The following ANKS1A variants were observed in gnomAD, a reference collection of about 807,000 sequenced individuals.
The protein encoded by ANKS1A is ankyrin repeat and sterile alpha motif domain containing 1A, also known as ankyrin repeat and SAM domain-containing protein 1A.
A neutral mutation model predicts 120.3 loss-of-function variants in ANKS1A; 55 were observed. The ratio of observed to expected loss-of-function variants is 0.46; its 90% CI spans 0.37 to 0.57. The LOEUF is 0.57. Among genes scored for constraint, ANKS1A ranks in the 20% least tolerant of loss-of-function variants. ANKS1A has a pLI of 0.00. For missense variants in ANKS1A, 1,123 were observed against 1,480.3 expected, an observed-to-expected ratio of 0.76 and a Z score of 3.96; for synonymous variants, 590 against 604.7, an observed-to-expected ratio of 0.98 and a Z score of 0.36.
Position 35,082,637 on chromosome 6 carries a change from C to T in ANKS1A, c.2710-54C>T. ...GAGTGTGCTGGAGCCAGGCAGCAAG[C>T]CCATGTGCTCCTCTGGAGCAAGGAG... On this transcript the variant is annotated intron_variant, in intron 17 of 23. Coordinates refer to ENST00000360359, the MANE Select transcript of ANKS1A (RefSeq NM_015245.3). The surrounding 1 kb of genome is among the most constrained non-coding windows in gnomAD (Gnocchi z 4.1). The T allele has an allele frequency of 6.4e-7, 1 of 1,550,954 alleles. No homozygotes were observed. Among genetic ancestry groups the T allele is most frequent in the Non-Finnish European group, 8.7e-7 (1 of 1,146,956 alleles).
At chr6:34,962,894 C>CTCTG (rs1770714748) in intron 1 of ANKS1A, among the ~76,000 whole-genome samples, 1 of 150,598 alleles carries the variant, frequency 6.6e-6, no homozygotes, top group Admixed American at 6.6e-5. Context: ...TGGGATCTTG[C>CTCTG]TCTGTCGCCC....
At chr6:35,014,358 A>C (rs879457957) in intron 10 of ANKS1A, among the ~76,000 whole-genome samples, 2 of 152,190 alleles carry the variant, frequency 1.3e-5, no homozygotes, top group Non-Finnish European at 2.9e-5. Flanking sequence ...TCCACAAAAT[A>C]TTGGTGGATT....
In ANKS1A at chr6:35,089,431, T is replaced by C. The variant is rs1001014431; in HGVS notation, c.*822T>C. 7 of 986,574 alleles carry C rather than the reference T, an allele frequency of 7.1e-6. No individual in the cohort carries two copies. In the African/African-American group the frequency reaches 1.0e-4, roughly 15 times the overall value. The allele number at this position is 986,574 out of a possible 1,614,324, so 61.1% of individuals were successfully genotyped here. ...TGCCCTGGGCTGGCCGGCGCCGTACTGCCTGCGTTGTGTCAGAGAATAGGA... is the reference window on the plus strand; with the variant it reads ...TGCCCTGGGCTGGCCGGCGCCGTACCGCCTGCGTTGTGTCAGAGAATAGGA... On this transcript the variant is annotated 3_prime_UTR_variant, in exon 24 of 24. Transcript: ENST00000360359.
At chr6:34,989,733 C>T (rs1581604439) in intron 9 of ANKS1A, among the ~76,000 whole-genome samples, 2 of 151,986 alleles carry the variant, frequency 1.3e-5, no homozygotes, top group South Asian at 2.1e-4. Flanking sequence ...TTTTCCTGTT[C>T]GTTTCACATG....
intron 13 of ANKS1A, among the ~76,000 whole-genome samples, chr6:35,078,098 T>C (rs2127605131): frequency 6.6e-6 from 1 of 152,286 alleles, no homozygotes; most frequent in Non-Finnish European, 1.5e-5. Flanking sequence ...GCTTCTCTCC[T>C]TGGGGTGAGG....
At chr6:35,073,950 C>T in intron 13 of ANKS1A, among the ~76,000 whole-genome samples, 1 of 152,248 alleles carries the variant, frequency 6.6e-6, no homozygotes, top group Non-Finnish European at 1.5e-5. Flanking sequence ...TGGGAGGACC[C>T]CGCGCTGCGC....
chr6:34,934,684 A>G (rs906497677), intron 1 of ANKS1A, among the ~76,000 whole-genome samples: 1 of 152,250 alleles, frequency 6.6e-6, no homozygotes, highest in Non-Finnish European at 1.5e-5. Flanking sequence ...AGTGTTGGAA[A>G]GTGGGCGTCG....
downstream of ANKS1A, among the ~76,000 whole-genome samples, chr6:35,091,591 T>C (rs143595788): frequency 1.1e-3 from 162 of 152,344 alleles, no homozygotes; most frequent in African/African-American, 3.4e-3. Flanking sequence ...TAGTTACAGC[T>C]GTGCTGTGAG....
Position 35,083,095 on chromosome 6 carries a change from G to A in ANKS1A, c.2836-60G>A, listed in dbSNP as rs1426948958. On this transcript the variant is annotated intron_variant, in intron 18 of 23. Transcript: ENST00000360359. ...ATTGTGGGACAGTCCCAAATTGGTT[G>A]GGTCACCCCTGCATGGAAACGCAGG... 8.2e-6 allele frequency: 13 copies of A among 1,592,812 alleles called. No individual in the cohort carries two copies. In the East Asian group the frequency reaches 2.9e-4, roughly 36 times the overall value.
At chr6:34,991,713 C>T (rs1157800351) in intron 9 of ANKS1A, among the ~76,000 whole-genome samples, 1 of 44,150 alleles carries the variant, frequency 2.3e-5, no homozygotes, top group Non-Finnish European at 9.4e-5. Context: ...CATATATACA[C>T]ATATATATAC....
Position 34,928,822 on chromosome 6 carries a change from A to G in ANKS1A, c.198-38417A>G, listed in dbSNP as rs190320344. Among the ~76,000 whole-genome samples, 4 of 152,264 alleles carry G rather than the reference A, an allele frequency of 2.6e-5. No homozygotes were observed. In the East Asian group the frequency reaches 7.7e-4, roughly 29 times the overall value. ...CCAGAGCTGCCATTTTCAAGGTGGC[A>G]TTTTCTTTTTCCTCTTTTGAGTTCT... On this transcript the variant is annotated intron_variant, in intron 1 of 23. Coordinates refer to ENST00000360359, the MANE Select transcript of ANKS1A (RefSeq NM_015245.3).
chr6:34,973,908 CCCCTT>C (rs1373248618), intron 3 of ANKS1A, among the ~76,000 whole-genome samples: 12 of 75,774 alleles, frequency 1.6e-4, no homozygotes, highest in East Asian at 2.4e-3. Context: ...CCTTCCCCTT[CCCCTT>C]CCCTTCCCCT....
At chr6:34,946,414 C>T (rs1262618758) in intron 1 of ANKS1A, among the ~76,000 whole-genome samples, 4 of 151,838 alleles carry the variant, frequency 2.6e-5, no homozygotes, top group African/African-American at 9.7e-5. Flanking sequence ...ATGGTGAAAC[C>T]CTGTCTCTAC....
At chr6:34,907,228 A>G (rs1226886282) in intron 1 of ANKS1A, among the ~76,000 whole-genome samples, 1 of 152,214 alleles carries the variant, frequency 6.6e-6, no homozygotes, top group Non-Finnish European at 1.5e-5. Flanking sequence ...GTCCTGGAAC[A>G]AGGGACATGA....
intron 1 of ANKS1A, among the ~76,000 whole-genome samples, chr6:34,942,297 G>A (rs1337846585): frequency 6.6e-6 from 1 of 152,172 alleles, no homozygotes; most frequent in Non-Finnish European, 1.5e-5. Flanking sequence ...TGGTGAACTT[G>A]GCAGTGTATG....
chr6:35,017,856 G>T lies in ANKS1A; in HGVS notation c.1807G>T (p.Ala603Ser). 6.2e-7 allele frequency: 1 copy of T among 1,614,172 alleles called. No individual in the cohort carries two copies. Among genetic ancestry groups the T allele is most frequent in the Non-Finnish European group, 8.5e-7 (1 of 1,180,020 alleles). Residue 603 changes from alanine (A) to serine (S), a missense_variant, in exon 11 of 24, where the codon GCC (alanine) becomes TCC (serine). Transcript: ENST00000360359. ...GGAEEGDRSG[A>S]RSRAPPTSKP... ...TGCTGAGGAAGGAGACCGGAGTGGG[G>T]CCAGGAGCCGAGCGCCTCCCACTAG...
rs938233099 is a variant in ANKS1A, at chr6:35,084,759, G to T, written c.3132+501G>T. Among the ~76,000 whole-genome samples the T allele has an allele frequency of 6.6e-6, 1 of 152,198 alleles. No homozygotes were observed. Among genetic ancestry groups the T allele is most frequent in the African/African-American group, 2.4e-5 (1 of 41,452 alleles). ...CTCTACTTCCCTCTTAGGGGCAGTG[G>T]TGCCCTCTTTGGCAGATTTTCTTCC... On this transcript the variant is annotated intron_variant, in intron 21 of 23. Transcript: ENST00000360359. The surrounding 1 kb of genome is among the most constrained non-coding windows in gnomAD (Gnocchi z 4.8).
downstream of ANKS1A, among the ~76,000 whole-genome samples, chr6:35,095,572 A>AGG (rs1778440130): frequency 6.7e-6 from 1 of 150,318 alleles, no homozygotes; most frequent in African/African-American, 2.5e-5. Flanking sequence ...AAAAAAAAAA[A>AGG]AAAGGAAAGA....
At chr6:35,077,924 ATCGTGCTTAGCGCTG>A (rs1467062593) in intron 13 of ANKS1A, among the ~76,000 whole-genome samples, 2 of 152,218 alleles carry the variant, frequency 1.3e-5, no homozygotes, top group African/African-American at 4.8e-5. Flanking sequence ...ACATCCTTGC[ATCGTGCTTAGCGCTG>A]CAGGTGGGCG....
Sources: gnomAD v4.1 joint callset for allele counts (sites outside exome capture counted in the v4.1 genomes callset) on GRCh38, gnomAD v4.1.1 for gene constraint, Gnocchi (gnomAD v3.1) non-coding constraint, MANE v1.5 for transcripts, NCBI Gene and HGNC (gene_info 2026-07-23, HGNC 2026-07-21) for gene names.